ZNF835: variants seen among roughly 807,000 people sequenced by gnomAD.
ZNF835 encodes the protein zinc finger protein 835.
For missense variants in ZNF835, 783 were observed against 758.4 expected, an observed-to-expected ratio of 1.03 and a Z score of -0.38; for synonymous variants, 323 against 324.7, an observed-to-expected ratio of 0.99 and a Z score of 0.06.
chr19:56,667,261 A>T (rs981191113), intron 1 of ZNF835, among the ~76,000 whole-genome samples: 3 of 152,228 alleles, frequency 2.0e-5, no homozygotes, highest in Non-Finnish European at 4.4e-5. Context: ...CTCACCACTG[A>T]CTTCTGATGC....
At chr19:56,670,503 T>G (rs1483155008) in intron 1 of ZNF835, among the ~76,000 whole-genome samples, 1 of 152,022 alleles carries the variant, frequency 6.6e-6, no homozygotes, top group Admixed American at 6.6e-5. Context: ...CACTCACACA[T>G]GCACACAGGG....
intron 1 of ZNF835, among the ~76,000 whole-genome samples, chr19:56,668,828 G>A (rs953650308): frequency 6.6e-6 from 1 of 152,094 alleles, no homozygotes; most frequent in African/African-American, 2.4e-5. Flanking sequence ...ACTTGCTGGT[G>A]GGGGCCAGGC....
chr19:56,667,984 T>G (rs2045260744), intron 1 of ZNF835, among the ~76,000 whole-genome samples: 1 of 152,160 alleles, frequency 6.6e-6, no homozygotes, highest in Admixed American at 6.5e-5. Flanking sequence ...CTTTTTTTGT[T>G]TTTTTGTTTG....
At chr19:56,666,110 T>C (rs954628683) in intron 1 of ZNF835, among the ~76,000 whole-genome samples, 1 of 150,650 alleles carries the variant, frequency 6.6e-6, no homozygotes, top group Admixed American at 6.6e-5. Flanking sequence ...GCCCCCACAA[T>C]GGGACTGTTT....
rs1476517476 is a variant in ZNF835 at position 56,663,776 on chromosome 19, C to T, written c.1423G>A (p.Glu475Lys). 2.0e-5 allele frequency: 33 copies of T among 1,613,794 alleles called. No homozygotes were observed. The highest frequency in any genetic ancestry group is 2.6e-5 in the Non-Finnish European group (31 of 1,179,916). ...AAGGCCTTCCCGCAGCCGCTGCACT[C>T]GTAGGGCTTCTCCCCGGTGTGCACG... ...HIVHTGEKPYECSGCGKAFSF... is the reference protein window; with the variant it reads ...HIVHTGEKPYKCSGCGKAFSF... Residue 475 changes from glutamate (E) to lysine (K), a missense_variant, in exon 2 of 2, where the codon GAG (glutamate) becomes AAG (lysine). By Grantham distance (56) the Glu-to-Lys change is moderately conservative (BLOSUM62 1). Transcript: ENST00000537055.
In ZNF835 at chr19:56,664,407, C is replaced by T. The variant is rs189211098; in HGVS notation, c.792G>A (p.Ala264=). Reference sequence around the variant, plus strand: ...TGTGGATGCGCTGGTGGCGGATGAGCGCTGAGGAGAAGCGGAAGGCCTTGG... The same window carrying T: ...TGTGGATGCGCTGGTGGCGGATGAGTGCTGAGGAGAAGCGGAAGGCCTTGG... ...ACAKAFRFSS[A]LIRHQRIHTE... The change falls in exon 2 of 2, where the codon GCG becomes GCA. Residue 264 remains alanine, a synonymous_variant. Transcript: ENST00000537055. The T allele has an allele frequency of 6.2e-7, 1 of 1,606,736 alleles. No individual in the cohort carries two copies. Among genetic ancestry groups the T allele is most frequent in the Non-Finnish European group, 8.5e-7 (1 of 1,177,990 alleles).
intron 1 of ZNF835, among the ~76,000 whole-genome samples, chr19:56,667,606 C>G (rs945819587): frequency 9.2e-5 from 14 of 152,352 alleles, no homozygotes; most frequent in African/African-American, 3.1e-4. Context: ...TGTGTGCATA[C>G]AGCAGAGAGT....
chr19:56,671,211 A>G (rs531310366), intron 1 of ZNF835, among the ~76,000 whole-genome samples: 2 of 150,270 alleles, frequency 1.3e-5, no homozygotes, highest in South Asian at 4.2e-4. Flanking sequence ...ACACACCTGC[A>G]CCTGCTGGTA....
chr19:56,665,324 G>T, intron 1 of ZNF835, 79 bp from the exon 2 acceptor site: 1 of 1,322,150 alleles, frequency 7.6e-7, no homozygotes, highest in Non-Finnish European at 1.1e-6. Flanking sequence ...AGCTGAACTG[G>T]TAAGAACTTA....
chr19:56,670,483 C>T (rs1249218709), intron 1 of ZNF835, among the ~76,000 whole-genome samples: 2 of 152,088 alleles, frequency 1.3e-5, no homozygotes, highest in African/African-American at 4.8e-5. Context: ...GAAGCCATCA[C>T]CTGCAGCCAC....
In ZNF835 at chr19:56,663,476, A is replaced by T; in HGVS notation, c.*109T>A. ...TGTGTCTTCCCCACTGTGTGCCCTC[A>T]GGCAAGTTAACAAGCTTCTCTGAGC... On this transcript the variant is annotated 3_prime_UTR_variant, in exon 2 of 2. Transcript: ENST00000537055. The T allele has an allele frequency of 6.8e-7, 1 of 1,466,200 alleles. No individual in the cohort carries two copies. The highest frequency in any genetic ancestry group is 9.3e-7 in the Non-Finnish European group (1 of 1,077,596). The allele number at this position is 1,466,200 out of a possible 1,614,324, so 90.8% of individuals were successfully genotyped here.
chr19:56,663,470 G>T lies in ZNF835; in HGVS notation c.*115C>A. 1 of 1,414,860 alleles carries T rather than the reference G, an allele frequency of 7.1e-7. No homozygotes were observed. The highest frequency in any genetic ancestry group is 9.7e-7 in the Non-Finnish European group (1 of 1,033,770). 87.6% of individuals were successfully genotyped at this position (1,414,860 alleles called of 1,614,324 possible). A position where few individuals can be genotyped will look rare whatever the true frequency, so the allele number is the denominator to read the frequency against. On this transcript the variant is annotated 3_prime_UTR_variant, in exon 2 of 2. Coordinates refer to ENST00000537055, the MANE Select transcript of ZNF835 (RefSeq NM_001005850.3). ...TAGCCCTGTGTCTTCCCCACTGTGT[G>T]CCCTCAGGCAAGTTAACAAGCTTCT...
rs1350570139 is a variant in ZNF835 at position 56,662,458 on chromosome 19, T to G, written c.*1127A>C. 1 of 152,172 alleles carries G rather than the reference T, an allele frequency of 6.6e-6. No individual in the cohort carries two copies. Among genetic ancestry groups the G allele is most frequent in the African/African-American group, 2.4e-5 (1 of 41,446 alleles). 9.4% of individuals were successfully genotyped at this position (152,172 alleles called of 1,614,324 possible). A position where few individuals can be genotyped will look rare whatever the true frequency, so the allele number is the denominator to read the frequency against. ...TAGGGGGAAAAATGGTGGAGATGGG[T>G]AGGTGTTTCCTCATACTGAAAAAAA... On this transcript the variant is annotated 3_prime_UTR_variant, in exon 2 of 2. Transcript: ENST00000537055.
In ZNF835 at chr19:56,664,434, G is replaced by A. The variant is rs751691375; in HGVS notation, c.765C>T (p.Cys255=). ...CTGAGGAGAAGCGGAAGGCCTTGGC[G>A]CACGCGGAGCACTCGTAGGGCTTCT... ...TGEKPYECSA[C]AKAFRFSSAL... The change falls in exon 2 of 2, where the codon TGC becomes TGT. Residue 255 remains cysteine, a synonymous_variant. Coordinates refer to ENST00000537055, the MANE Select transcript of ZNF835 (RefSeq NM_001005850.3). 6.9e-5 allele frequency: 112 copies of A among 1,612,644 alleles called. No homozygotes were observed. Among genetic ancestry groups the A allele is most frequent in the Admixed American group, 4.7e-4 (28 of 59,900 alleles).
chr19:56,664,341 G>A lies in ZNF835; in HGVS notation c.858C>T (p.Ala286=). The change falls in exon 2 of 2, where the codon GCC becomes GCT. Residue 286 remains alanine (A), a synonymous_variant. Coordinates refer to ENST00000537055, the MANE Select transcript of ZNF835 (RefSeq NM_001005850.3). ...KPYRCGQCAK[A]FAQIAHLTQH... Reference sequence around the variant, plus strand: ...GGGTCAGGTGCGCGATCTGCGCGAAGGCCTTGGCGCACTGGCCGCAGCGGT... The same window carrying A: ...GGGTCAGGTGCGCGATCTGCGCGAAAGCCTTGGCGCACTGGCCGCAGCGGT... 1 of 1,607,940 alleles carries A rather than the reference G, an allele frequency of 6.2e-7. No individual in the cohort carries two copies. The highest frequency in any genetic ancestry group is 1.1e-5 in the South Asian group (1 of 90,564).
intron 1 of ZNF835, among the ~76,000 whole-genome samples, 186 bp downstream of exon 1, chr19:56,671,368 GACAGGCTCACAGGCAGTCACAC>G (rs2045291392): frequency 6.6e-6 from 1 of 151,932 alleles, no homozygotes; most frequent in Admixed American, 6.6e-5. Flanking sequence ...CAGATGCAGT[GACAGGCTCACAGGCAGTCACAC>G]ACCTGCACCT....
At chr19:56,670,943 G>A (rs531274070) in intron 1 of ZNF835, among the ~76,000 whole-genome samples, 1 of 152,394 alleles carries the variant, frequency 6.6e-6, no homozygotes, top group African/African-American at 2.4e-5. Flanking sequence ...GTGATATGCA[G>A]ACACCGCTTC....
intron 1 of ZNF835, among the ~76,000 whole-genome samples, chr19:56,667,554 C>T (rs960730771): frequency 6.6e-6 from 1 of 152,266 alleles, no homozygotes; most frequent in Non-Finnish European, 1.5e-5. Context: ...TGTGTGGGCT[C>T]AGCCCCTCAC....
At chr19:56,665,348 G>C in intron 1 of ZNF835, 103 bp from the exon 2 acceptor site, 1 of 1,033,426 alleles carries the variant, frequency 9.7e-7, no homozygotes, top group African/African-American at 1.6e-5. Context: ...TGGGGTCCCT[G>C]GACCTCTGTG....
Sources: gnomAD v4.1 joint callset for allele counts (sites outside exome capture counted in the v4.1 genomes callset) on GRCh38, gnomAD v4.1.1 for gene constraint, MANE v1.5 for transcripts, NCBI Gene and HGNC (gene_info 2026-07-23, HGNC 2026-07-21) for gene names.